LARS2: variants seen among roughly 807,000 people sequenced by gnomAD.
LARS2 encodes the protein leucyl-tRNA synthetase 2, mitochondrial.
LARS2 carries 81 observed loss-of-function variants against 116.6 expected under a neutral mutation model. That is an observed-to-expected ratio of 0.69 (90% CI 0.58 to 0.84). The LOEUF (loss-of-function observed/expected upper bound fraction) is 0.84, where lower values mean the gene tolerates loss of function less well. LARS2 is among the 40% of genes least tolerant of loss of function. The pLI is 0.00. For missense variants in LARS2, 968 were observed against 1,114.5 expected (o/e 0.87, Z 1.87); for synonymous variants, 396 against 407.2 (o/e 0.97, Z 0.33).
chr3:45,516,005 G>A lies in LARS2; in HGVS notation c.1862-89G>A, dbSNP rs534635938. The A allele has an allele frequency of 8.8e-5, 86 of 981,672 alleles. No individual in the cohort carries two copies. In the African/African-American group the frequency reaches 1.2e-3, roughly 13 times the overall value. The allele number at this position is 981,672 out of a possible 1,614,324, so 60.8% of individuals were successfully genotyped here. ...ATTCTTCAAATGGACACTTTCCATCGCTCACCCAGTTTTTACTTATTGATG... is the reference window on the plus strand; with the variant it reads ...ATTCTTCAAATGGACACTTTCCATCACTCACCCAGTTTTTACTTATTGATG... On this transcript the variant is annotated intron_variant, in intron 16 of 21. Coordinates refer to ENST00000645846, the MANE Select transcript of LARS2 (RefSeq NM_015340.4).
chr3:45,547,490 C>T lies in LARS2; in HGVS notation c.2672C>T (p.Ser891Phe), dbSNP rs2125774488. Reference protein sequence around the residue: ...QGRSIKKSFLSPRTALINFLV... With the variant: ...QGRSIKKSFLFPRTALINFLV... ...CGAAGCATCAAGAAGTCCTTCCTTT[C>T]CCCGAGAACTGCCCTCATCAACTTC... The change falls in exon 22 of 22, where the codon TCC becomes TTC. Residue 891 changes from serine to phenylalanine, a missense_variant. Transcript: ENST00000645846. 6.2e-7 allele frequency: 1 copy of T among 1,612,502 alleles called. No individual in the cohort carries two copies. The highest frequency in any genetic ancestry group is 8.5e-7 in the Non-Finnish European group (1 of 1,179,498).
At chr3:45,470,968 G>A (rs986387375) in intron 8 of LARS2, among the ~76,000 whole-genome samples, 10 of 136,674 alleles carry the variant, frequency 7.3e-5, no homozygotes, top group South Asian at 2.4e-4. Context: ...AGAGGTACAC[G>A]TACCAGTCCT....
chr3:45,527,025 G>A (rs980163961), intron 20 of LARS2, among the ~76,000 whole-genome samples: 12 of 152,180 alleles, frequency 7.9e-5, no homozygotes, highest in African/African-American at 2.9e-4. Flanking sequence ...GGTCTCAGAT[G>A]CATGCACTGT....
chr3:45,457,890 C>T (rs1699239696), intron 7 of LARS2, among the ~76,000 whole-genome samples: 1 of 152,118 alleles, frequency 6.6e-6, no homozygotes, highest in Admixed American at 6.5e-5. Context: ...GTTAAGACTA[C>T]ATGTTTTATG....
At chr3:45,447,028 G>A (rs778665845) in intron 7 of LARS2, 48 bp downstream of exon 7, 1 of 1,132,592 alleles carries the variant, frequency 8.8e-7, no homozygotes, top group Non-Finnish European at 1.3e-6. Context: ...ATCTCTTTAG[G>A]ATACATCATT....
chr3:45,456,783 T>C (rs1699219861), intron 7 of LARS2, among the ~76,000 whole-genome samples: 1 of 152,224 alleles, frequency 6.6e-6, no homozygotes, highest in Admixed American at 6.5e-5. Flanking sequence ...TGCATGTCTT[T>C]CCCACCCAAC....
intron 6 of LARS2, among the ~76,000 whole-genome samples, chr3:45,429,848 C>T (rs1312917480): frequency 6.6e-6 from 1 of 151,036 alleles, no homozygotes; most frequent in African/African-American, 2.4e-5. Flanking sequence ...ACTACAGGCA[C>T]CTGCCACCAC....
In LARS2 at chr3:45,428,239, G is replaced by GTTTT. The variant is rs35323496; in HGVS notation, c.516+8529_516+8532dup. Among the ~76,000 whole-genome samples, 321 of 84,198 alleles carry GTTTT rather than the reference G, an allele frequency of 3.8e-3. 9 individuals are homozygous for GTTTT. The Middle Eastern group carries it at 0.058, about 15-fold the overall frequency. The allele number at this position is 84,198 out of a possible 152,430, so 55.2% of individuals were successfully genotyped here. ...TAACAAAAATGTACTATCTTAACCTGTTTTTTTTTTTTTTTTTTTTTTGAG... is the reference window on the plus strand; with the variant it reads ...TAACAAAAATGTACTATCTTAACCTGTTTTTTTTTTTTTTTTTTTTTTTTTTGAG... On this transcript the variant is annotated intron_variant, in intron 6 of 21. Transcript: ENST00000645846.
chr3:45,481,985 A>G (rs915879513), intron 10 of LARS2, among the ~76,000 whole-genome samples: 3 of 152,228 alleles, frequency 2.0e-5, no homozygotes, highest in African/African-American at 7.2e-5. Context: ...AGATCTTACA[A>G]TTGGATCTTT....
intron 20 of LARS2, 98 bp downstream of exon 20, chr3:45,524,206 A>C: frequency 2.6e-6 from 2 of 767,242 alleles, no homozygotes; most frequent in Non-Finnish European, 4.5e-6. Context: ...CCTCAGATAT[A>C]GGGTCCAACA....
rs1055583296 is a variant in LARS2 at position 45,511,625 on chromosome 3, T to C, written c.1761-1510T>C. On this transcript the variant is annotated intron_variant, in intron 15 of 21. Transcript: ENST00000645846. ...CGAGGCAAAAGTTGCAGCCTTAGGC[T>C]GAACAGCTGGGGTTAGTCAGTTTTT... is the stretch of plus-strand genomic sequence containing the variant. Among the ~76,000 whole-genome samples, 6 of 151,942 alleles carry C rather than the reference T, an allele frequency of 3.9e-5. No homozygotes were observed. The South Asian group carries it at 1.2e-3, about 32-fold the overall frequency.
intron 12 of LARS2, among the ~76,000 whole-genome samples, chr3:45,490,503 G>A (rs147088680): frequency 6.6e-6 from 1 of 152,362 alleles, no homozygotes; most frequent in East Asian, 1.9e-4. Flanking sequence ...TGGAAAGACA[G>A]TGGTGTTAGG....
intron 13 of LARS2, among the ~76,000 whole-genome samples, chr3:45,495,912 T>G (rs1575292405): frequency 6.6e-6 from 1 of 151,744 alleles, no homozygotes; most frequent in Admixed American, 6.6e-5. Flanking sequence ...CAGGGTGGAG[T>G]GCAATGGCAC....
intron 21 of LARS2, among the ~76,000 whole-genome samples, chr3:45,543,450 A>T (rs1378898413): frequency 7.0e-6 from 1 of 142,544 alleles, no homozygotes; most frequent in East Asian, 2.1e-4. Flanking sequence ...CCAACCCAGA[A>T]TTTTTTTTTT....
intron 8 of LARS2, among the ~76,000 whole-genome samples, chr3:45,469,045 T>G (rs941450742): frequency 6.6e-6 from 1 of 152,218 alleles, no homozygotes; most frequent in African/African-American, 2.4e-5. Context: ...TGAAATCCCA[T>G]GAAACCACAC....
intron 7 of LARS2, 108 bp downstream of exon 7, chr3:45,447,088 A>C: frequency 3.1e-6 from 2 of 646,136 alleles, no homozygotes; most frequent in Non-Finnish European, 5.4e-6. Flanking sequence ...AATCAGTCAC[A>C]GCAGACCCAG....
rs754255584 is a variant in LARS2, at chr3:45,447,005, T to C, written c.606+25T>C. On this transcript the variant is annotated intron_variant, in intron 7 of 21. Coordinates refer to ENST00000645846, the MANE Select transcript of LARS2 (RefSeq NM_015340.4). ...GGTAAGTTAAAATTAGCTGGACTTT[T>C]AAAATTCAGTGAATCTCTTTAGGAT... is the stretch of plus-strand genomic sequence containing the variant. 11 of 1,311,270 alleles carry C rather than the reference T, an allele frequency of 8.4e-6. No homozygotes were observed. The African/African-American group carries it at 1.6e-4, about 19-fold the overall frequency. 81.2% of individuals were successfully genotyped at this position (1,311,270 alleles called of 1,614,324 possible). A position where few individuals can be genotyped will look rare whatever the true frequency, so the allele number is the denominator to read the frequency against.
intron 15 of LARS2, among the ~76,000 whole-genome samples, chr3:45,506,267 C>T (rs1700199483): frequency 6.6e-6 from 1 of 152,046 alleles, no homozygotes; most frequent in Admixed American, 6.6e-5. Flanking sequence ...TGGATCACAT[C>T]AGGGCAGCAA....
At chr3:45,477,579 A>T (rs1197943687) in intron 10 of LARS2, among the ~76,000 whole-genome samples, 2 of 152,188 alleles carry the variant, frequency 1.3e-5, no homozygotes, top group Non-Finnish European at 2.9e-5. Context: ...TCCAAAACAA[A>T]CTTGAGGGCT....
Sources: allele counts gnomAD v4.1 joint callset (sites outside exome capture counted in the v4.1 genomes callset), GRCh38; gene constraint gnomAD v4.1.1; transcripts MANE v1.5; gene names NCBI Gene and HGNC (gene_info 2026-07-23, HGNC 2026-07-21).